FOXJ3: variants seen among roughly 807,000 people sequenced by gnomAD.
FOXJ3 encodes the protein forkhead box protein J3.
A neutral mutation model predicts 76.1 loss-of-function variants in FOXJ3; 22 were observed. The observed-to-expected ratio is 0.29, with a 90% CI of 0.21 to 0.41. The LOEUF (loss-of-function observed/expected upper bound fraction) is 0.41, where lower values mean the gene tolerates loss of function less well. FOXJ3 is among the 10% of genes least tolerant of loss of function. The pLI, the probability that FOXJ3 is intolerant of heterozygous loss-of-function variation, is 1.00. For missense variants in FOXJ3, 613 were observed against 762.1 expected, an observed-to-expected ratio of 0.80 and a Z score of 2.30; for synonymous variants, 269 against 261.2, an observed-to-expected ratio of 1.03 and a Z score of -0.29.
intron 12 of FOXJ3, among the ~76,000 whole-genome samples, chr1:42,180,311 C>T (rs1418578544): frequency 2.0e-5 from 3 of 152,318 alleles, no homozygotes; most frequent in Admixed American, 1.3e-4. Flanking sequence ...ACACAGAGGA[C>T]ATCAACAAGG....
At chr1:42,235,507 T>C (rs539066329) in intron 4 of FOXJ3, among the ~76,000 whole-genome samples, 1 of 152,114 alleles carries the variant, frequency 6.6e-6, no homozygotes, top group Non-Finnish European at 1.5e-5. Context: ...CTCTAGGAGC[T>C]GTAGACTGGA....
intron 4 of FOXJ3, among the ~76,000 whole-genome samples, chr1:42,240,090 A>G (rs1288670148): frequency 6.6e-6 from 1 of 152,200 alleles, no homozygotes; most frequent in East Asian, 1.9e-4. Context: ...GATTAACACA[A>G]AACAATATAA....
At chr1:42,251,334 C>T (rs1197353496) in intron 4 of FOXJ3, among the ~76,000 whole-genome samples, 1 of 152,132 alleles carries the variant, frequency 6.6e-6, no homozygotes, top group Non-Finnish European at 1.5e-5. Flanking sequence ...TGGGAATACC[C>T]TGCAAACCCA....
intron 4 of FOXJ3, among the ~76,000 whole-genome samples, chr1:42,245,166 C>CAA (rs4019583): frequency 1.1e-4 from 13 of 122,374 alleles, no homozygotes; most frequent in Non-Finnish European, 1.6e-4. Context: ...AGACTCGTCT[C>CAA]AAAAAAAAAA....
At chr1:42,292,838 C>G (rs11807969) in intron 2 of FOXJ3, among the ~76,000 whole-genome samples, 1 of 152,138 alleles carries the variant, frequency 6.6e-6, no homozygotes, top group South Asian at 2.1e-4. Flanking sequence ...TGGTGGCTCA[C>G]GCCTGTAATC....
At chr1:42,276,367 G>T (rs1652259725) in intron 3 of FOXJ3, among the ~76,000 whole-genome samples, 1 of 151,936 alleles carries the variant, frequency 6.6e-6, no homozygotes, top group African/African-American at 2.4e-5. Context: ...AAAAAAAGGG[G>T]GCGGGGGAAA....
At chr1:42,220,582 G>A (rs1479923226) in intron 5 of FOXJ3, among the ~76,000 whole-genome samples, 1 of 152,026 alleles carries the variant, frequency 6.6e-6, no homozygotes, top group East Asian at 1.9e-4. Context: ...TTCATGCAGG[G>A]CAAGCCAAAG....
At chr1:42,181,811 T>TCACA in intron 12 of FOXJ3, 106 bp downstream of exon 12, 1 of 558,446 alleles carries the variant, frequency 1.8e-6, no homozygotes, top group Non-Finnish European at 2.9e-6. Context: ...GGGTAATAAC[T>TCACA]GACACACACA....
chr1:42,196,607 C>A (rs1025753926), intron 7 of FOXJ3, among the ~76,000 whole-genome samples: 1 of 152,158 alleles, frequency 6.6e-6, no homozygotes, highest in African/African-American at 2.4e-5. Flanking sequence ...GCAAGAGAAT[C>A]GCTTGAATCT....
intron 4 of FOXJ3, among the ~76,000 whole-genome samples, chr1:42,255,296 T>C (rs936407641): frequency 2.0e-5 from 3 of 152,152 alleles, no homozygotes; most frequent in Non-Finnish European, 4.4e-5. Context: ...TAGTATAATA[T>C]TACCTCCAAA....
At chr1:42,263,008 C>G (rs902227250) in intron 4 of FOXJ3, among the ~76,000 whole-genome samples, 1 of 150,816 alleles carries the variant, frequency 6.6e-6, no homozygotes, top group Non-Finnish European at 1.5e-5. Flanking sequence ...CATACAAAAC[C>G]TTAAAACTGA....
chr1:42,246,945 G>C (rs1408982116), intron 4 of FOXJ3, among the ~76,000 whole-genome samples: 2 of 152,126 alleles, frequency 1.3e-5, no homozygotes, highest in Non-Finnish European at 2.9e-5. Flanking sequence ...ATATCATATA[G>C]TATCATTCAT....
intron 5 of FOXJ3, among the ~76,000 whole-genome samples, chr1:42,213,257 T>G (rs1647002165): frequency 6.6e-6 from 1 of 152,088 alleles, no homozygotes; most frequent in Non-Finnish European, 1.5e-5. Flanking sequence ...ATGGTCTAAA[T>G]GTTCCACTTG....
At chr1:42,224,125 T>C (rs1647358401) in intron 5 of FOXJ3, among the ~76,000 whole-genome samples, 1 of 152,188 alleles carries the variant, frequency 6.6e-6, no homozygotes, top group South Asian at 2.1e-4. Context: ...ATTTAACAAC[T>C]TGCCAAAAGT....
intron 2 of FOXJ3, among the ~76,000 whole-genome samples, chr1:42,286,107 T>C (rs1199208690): frequency 2.0e-5 from 3 of 152,078 alleles, no homozygotes; most frequent in Non-Finnish European, 2.9e-5. Context: ...GAGTCAACTA[T>C]GGAAGAAATC....
chr1:42,225,383 C>T (rs1032660056), intron 5 of FOXJ3, among the ~76,000 whole-genome samples: 11 of 151,888 alleles, frequency 7.2e-5, no homozygotes, highest in African/African-American at 2.4e-4. Context: ...TCTGTCCTAA[C>T]AAAAATACTA....
At chr1:42,216,036 CAG>C (rs770033315) in intron 5 of FOXJ3, among the ~76,000 whole-genome samples, 3 of 151,796 alleles carry the variant, frequency 2.0e-5, no homozygotes, top group Admixed American at 1.3e-4. Flanking sequence ...ATATGTGAAA[CAG>C]AAAATTTTTT....
chr1:42,278,753 A>C (rs1320944321), intron 2 of FOXJ3, 81 bp from the exon 3 acceptor site: 3 of 1,027,746 alleles, frequency 2.9e-6, no homozygotes, highest in East Asian at 4.8e-5. Context: ...CAAATCTAGG[A>C]GTTCCAAAGT....
intron 1 of FOXJ3, among the ~76,000 whole-genome samples, chr1:42,324,098 T>TACACTGTATAC (rs375589929): frequency 1.7e-4 from 1 of 5,836 alleles, no homozygotes; most frequent in African/African-American, 3.3e-4. Flanking sequence ...ACTGTATATA[T>TACACTGTATAC]ACTGTGTATA....
Sources: gnomAD v4.1 joint callset for allele counts (sites outside exome capture counted in the v4.1 genomes callset) on GRCh38, gnomAD v4.1.1 for gene constraint, MANE v1.5 for transcripts, NCBI Gene and HGNC (gene_info 2026-07-23, HGNC 2026-07-21) for gene names.